ZNF711: variants seen among roughly 807,000 people sequenced by gnomAD.
ZNF711 encodes the protein zinc finger protein 711.
In ZNF711, 3 loss-of-function variants were observed where a neutral mutation model predicts 43.5. That is an observed-to-expected ratio of 0.07 (90% CI 0.03 to 0.18). The LOEUF (loss-of-function observed/expected upper bound fraction) is 0.18, where lower values mean the gene tolerates loss of function less well. ZNF711 is among the 10% of genes least tolerant of loss of function. The pLI is 1.00. For missense variants in ZNF711, 412 were observed against 604.0 expected (o/e 0.68, Z 3.33); for synonymous variants, 209 against 207.7 (o/e 1.01, Z -0.06).
chrX:85,271,264 G>A lies in ZNF711; in HGVS notation c.1860G>A (p.Glu620=). Residue 620 remains glutamate, a synonymous_variant, in exon 11 of 11, where the codon GAG becomes GAA. Transcript: ENST00000674551. ...ATTGTCCCCAAGCATTTGGTGATGA[G>A]AGGGAGCTTCAACGCCATCTGGATT... ...CEHCPQAFGD[E]RELQRHLDLF... 8.3e-7 allele frequency: 1 copy of A among 1,210,328 alleles called. No homozygotes were observed.
chrX:85,268,401 C>G lies in ZNF711; in HGVS notation c.1102+60C>G. The G allele has an allele frequency of 2.7e-6, 3 of 1,130,260 alleles. No individual in the cohort carries two copies. In the Admixed American group the frequency reaches 7.0e-5, roughly 27 times the overall value. 93.1% of individuals were successfully genotyped at this position (1,130,260 alleles called of 1,213,427 possible). On this transcript the variant is annotated intron_variant, in intron 9 of 10. Transcript: ENST00000674551. Reference sequence around the variant, plus strand: ...GTTCTGGCTTTATTTTATTTTACTGCTTGGTAAGTAACAAGTTTGTGTCTA... The same window carrying G: ...GTTCTGGCTTTATTTTATTTTACTGGTTGGTAAGTAACAAGTTTGTGTCTA...
Position 85,265,129 on chromosome X carries a change from A to T in ZNF711, c.790A>T (p.Ile264Phe). The T allele has an allele frequency of 5.8e-6, 7 of 1,208,653 alleles. No homozygotes were observed. The highest frequency in any genetic ancestry group is 7.8e-6 in the Non-Finnish European group (7 of 893,504). ...TTTTAATTTTTAAGGTGGAACAGAA[A>T]TTGTCACAGAGAGTGAGTACACCAG... is the stretch of plus-strand genomic sequence containing the variant. The part of the protein sequence containing the change: ...EDDVEIGGTE[I>F]VTESEYTSGH... The change falls in exon 7 of 11, where the codon ATT becomes TTT. Residue 264 changes from isoleucine to phenylalanine, a missense_variant. Ile to Phe is a conservative substitution (Grantham distance 21, BLOSUM62 0). This residue lies in a region of ZNF711 where 375 missense variants were observed against 514.2 expected (regional missense o/e 0.73). Transcript: ENST00000674551.
chrX:85,267,380 A>G lies in ZNF711; in HGVS notation c.1019A>G (p.Lys340Arg). 8.8e-7 allele frequency: 1 copy of G among 1,140,587 alleles called. No homozygotes were observed. The highest frequency in any genetic ancestry group is 1.2e-6 in the Non-Finnish European group (1 of 865,463). 94.0% of individuals were successfully genotyped at this position (1,140,587 alleles called of 1,213,427 possible). ...CAGCTTGAGGACTCTGATGTTAATA[A>G]AACAGTTGTCCCTGTTGTCTGGGCT... is the stretch of plus-strand genomic sequence containing the variant. The part of the protein sequence containing the change: ...EIQLEDSDVN[K>R]TVVPVVWAAA... Residue 340 changes from lysine (K) to arginine (R), a missense_variant, in exon 8 of 11, where the codon AAA becomes AGA. Physicochemically the swap from Lys to Arg is conservative, Grantham distance 26 (BLOSUM62 2). Coordinates refer to ENST00000674551, the MANE Select transcript of ZNF711 (RefSeq NM_001330574.2).
chrX:85,253,969 A>G (rs1484832638), intron 4 of ZNF711, among the ~76,000 whole-genome samples: 1 of 111,587 alleles, frequency 9.0e-6, no homozygotes, highest in Non-Finnish European at 1.9e-5. Context: ...GAATATATCA[A>G]CAGTGTGTTC....
chrX:85,265,569 G>A lies in ZNF711; in HGVS notation c.916+314G>A, dbSNP rs146853442. Among the ~76,000 whole-genome samples, 465 of 110,283 alleles carry A rather than the reference G, an allele frequency of 4.2e-3. 5 individuals are homozygous for A. The highest frequency in any genetic ancestry group is 0.014 in the African/African-American group (436 of 30,407). ...ATTACTGAGTACCTACTTTCTGTGCGTTACTGAATATGTTGCAAGATACTA... is the reference window on the plus strand; with the variant it reads ...ATTACTGAGTACCTACTTTCTGTGCATTACTGAATATGTTGCAAGATACTA... On this transcript the variant is annotated intron_variant, in intron 7 of 10. Coordinates refer to ENST00000674551, the MANE Select transcript of ZNF711 (RefSeq NM_001330574.2).
intron 9 of ZNF711, among the ~76,000 whole-genome samples, chrX:85,268,847 A>G (rs918940490): frequency 1.8e-5 from 2 of 111,135 alleles, no homozygotes; most frequent in African/African-American, 6.5e-5. Context: ...TTTCTTAAGC[A>G]AGGAGATATT....
Position 85,270,857 on chromosome X carries a change from A to G in ZNF711, c.1453A>G (p.Ile485Val). The G allele has an allele frequency of 2.5e-6, 3 of 1,208,786 alleles. No individual in the cohort carries two copies. The highest frequency in any genetic ancestry group is 3.4e-6 in the Non-Finnish European group (3 of 893,807). ...FHNHLESHKLINKVDKTHEFT... is the reference protein window; with the variant it reads ...FHNHLESHKLVNKVDKTHEFT... ...TAACCACTTAGAAAGCCATAAGCTC[A>G]TAAACAAAGTCGACAAAACCCATGA... is the stretch of plus-strand genomic sequence containing the variant. Residue 485 changes from isoleucine (I) to valine (V), a missense_variant, in exon 11 of 11, where the codon ATA becomes GTA. Physicochemically the swap from Ile to Val is conservative, Grantham distance 29 (BLOSUM62 3). Coordinates refer to ENST00000674551, the MANE Select transcript of ZNF711 (RefSeq NM_001330574.2).
chrX:85,249,158 CT>C (rs916057174), intron 4 of ZNF711, among the ~76,000 whole-genome samples: 18 of 111,129 alleles, frequency 1.6e-4, no homozygotes, highest in African/African-American at 5.3e-4. Context: ...TTAGAAATGA[CT>C]TTGGGTGAAA....
intron 5 of ZNF711, among the ~76,000 whole-genome samples, chrX:85,256,321 T>A (rs1382915613): frequency 8.9e-6 from 1 of 112,189 alleles, no homozygotes; most frequent in African/African-American, 3.2e-5. Context: ...TGTGTGTATA[T>A]TTTATGCAAA....
At chrX:85,257,522 G>A (rs1477114103) in intron 5 of ZNF711, among the ~76,000 whole-genome samples, 1 of 112,265 alleles carries the variant, frequency 8.9e-6, no homozygotes, top group Non-Finnish European at 1.9e-5. Context: ...TTACGGCTGT[G>A]TAGTATTCTG....
In ZNF711 at chrX:85,244,161, G is replaced by C. The variant is rs1250385103; in HGVS notation, c.-436G>C. On this transcript the variant is annotated 5_prime_UTR_variant, in exon 1 of 11. Coordinates refer to ENST00000674551, the MANE Select transcript of ZNF711 (RefSeq NM_001330574.2). ...GGCGGCGGCGGCAGCGGCGGCGGCA[G>C]CGGCGGCGGCAGCTGTAGCTGCAGC... 2 of 150,059 alleles carry C rather than the reference G, an allele frequency of 1.3e-5. No homozygotes were observed. Among genetic ancestry groups the C allele is most frequent in the African/African-American group, 6.4e-5 (2 of 31,061 alleles). 12.4% of individuals were successfully genotyped at this position (150,059 alleles called of 1,213,427 possible). A position where few individuals can be genotyped will look rare whatever the true frequency, so the allele number is the denominator to read the frequency against.
intron 4 of ZNF711, among the ~76,000 whole-genome samples, chrX:85,254,015 G>A (rs1224921812): frequency 1.8e-5 from 2 of 111,485 alleles, no homozygotes; most frequent in Non-Finnish European, 3.8e-5. Context: ...TAGTAGGGAT[G>A]TGCCAGAGTT....
In ZNF711 at chrX:85,265,137, A is replaced by G. The variant is rs72549428; in HGVS notation, c.798A>G (p.Thr266=). The change falls in exon 7 of 11, where the codon ACA becomes ACG. Residue 266 remains threonine, a synonymous_variant. Transcript: ENST00000674551. ...DVEIGGTEIV[T]ESEYTSGHSV... ...TTTAAGGTGGAACAGAAATTGTCAC[A>G]GAGAGTGAGTACACCAGTGGACATT... The G allele has an allele frequency of 0.014, 16,531 of 1,206,261 alleles. 146 individuals carry two copies. Among genetic ancestry groups the G allele is most frequent in the South Asian group, 0.034 (1,941 of 56,676 alleles).
intron 4 of ZNF711, among the ~76,000 whole-genome samples, chrX:85,253,760 CACAG>C (rs1184581677): frequency 1.1e-5 from 1 of 92,117 alleles, no homozygotes; most frequent in African/African-American, 5.0e-5. Flanking sequence ...CCTGTGTGTT[CACAG>C]ACACACACAC....
At chrX:85,262,106 AT>A (rs1268950370) in intron 5 of ZNF711, among the ~76,000 whole-genome samples, 2 of 111,077 alleles carry the variant, frequency 1.8e-5, no homozygotes, top group African/African-American at 6.5e-5. Context: ...AAAATTGCTC[AT>A]TCTGAGGAAT....
intron 4 of ZNF711, among the ~76,000 whole-genome samples, chrX:85,251,655 A>AGAT (rs1929560558): frequency 9.0e-6 from 1 of 111,460 alleles, no homozygotes; most frequent in Admixed American, 9.6e-5. Flanking sequence ...TAAGCTAGTA[A>AGAT]GATGAATTAT....
intron 4 of ZNF711, among the ~76,000 whole-genome samples, chrX:85,254,185 A>G (rs1179331461): frequency 1.8e-5 from 2 of 111,334 alleles, no homozygotes; most frequent in African/African-American, 3.3e-5. Flanking sequence ...CGAGATTGCA[A>G]TGGTTGGATT....
rs1931541036 is a variant in ZNF711 at position 85,271,140 on chromosome X, A to G, written c.1736A>G (p.Tyr579Cys). Residue 579 changes from tyrosine to cysteine, a missense_variant, in exon 11 of 11, where the codon TAT (tyrosine) becomes TGT (cysteine). Tyr to Cys is a radical substitution (Grantham distance 194, BLOSUM62 -2). Coordinates refer to ENST00000674551, the MANE Select transcript of ZNF711 (RefSeq NM_001330574.2). ...AGAACCCATACTGGTGAGAAGCCAT[A>G]TCAGTGTCAGTATTGTATTTTCAGG... ...HMRTHTGEKPYQCQYCIFRCA... is the reference protein window; with the variant it reads ...HMRTHTGEKPCQCQYCIFRCA... 1 of 1,208,968 alleles carries G rather than the reference A, an allele frequency of 8.3e-7. No individual in the cohort carries two copies. The highest frequency in any genetic ancestry group is 1.1e-6 in the Non-Finnish European group (1 of 894,768).
Position 85,268,355 on chromosome X carries a change from GTA to G in ZNF711, c.1102+18_1102+19del. ...GTCAAGCATCAGGTAAGAGAGCATT[GTA>G]TATGAGATGTGAGTTAAAGTTCTGG... On this transcript the variant is annotated intron_variant, in intron 9 of 10. Coordinates refer to ENST00000674551, the MANE Select transcript of ZNF711 (RefSeq NM_001330574.2). The G allele has an allele frequency of 8.8e-7, 1 of 1,134,390 alleles. No individual in the cohort carries two copies. Among genetic ancestry groups the G allele is most frequent in the Non-Finnish European group, 1.2e-6 (1 of 850,236 alleles). 93.5% of individuals were successfully genotyped at this position (1,134,390 alleles called of 1,213,427 possible).
Sources: gnomAD v4.1 joint callset for allele counts (sites outside exome capture counted in the v4.1 genomes callset) on GRCh38, gnomAD v4.1.1 for gene constraint, gnomAD v4.1.1 regional missense constraint, MANE v1.5 for transcripts, NCBI Gene and HGNC (gene_info 2026-07-23, HGNC 2026-07-21) for gene names.